ZFAT: variants seen among roughly 807,000 people sequenced by gnomAD.
ZFAT encodes the protein zinc finger protein ZFAT.
Under a neutral mutation model 117.7 loss-of-function variants are expected in ZFAT, and 64 were observed. The observed-to-expected ratio is 0.54, with a 90% confidence interval of 0.44 to 0.67. ZFAT has a LOEUF of 0.67. Ranked by LOEUF, ZFAT falls within the 30% of genes least tolerant of loss-of-function variation. ZFAT has a pLI of 0.00. For missense variants in ZFAT, 1,433 were observed against 1,584.5 expected (o/e 0.90, Z 1.62); for synonymous variants, 679 against 615.0 (o/e 1.10, Z -1.54).
In ZFAT at chr8:134,512,501, T is replaced by C; in HGVS notation, c.3335A>G (p.Gln1112Arg). 1 of 1,614,036 alleles carries C rather than the reference T, an allele frequency of 6.2e-7. No homozygotes were observed. Among genetic ancestry groups the C allele is most frequent in the Non-Finnish European group, 8.5e-7 (1 of 1,179,886 alleles). ...ACTCTCAGAGGTGTATCTCAGGTCC[T>C]GGAGCGCGGCCACCGCTGCCTGTGT... Reference protein sequence around the residue: ...QGTQAAVAALQDLRYTSESGD... With the variant: ...QGTQAAVAALRDLRYTSESGD... The change falls in exon 14 of 16, where the codon CAG (glutamine) becomes CGG (arginine). Residue 1112 changes from glutamine (Q) to arginine (R), a missense_variant. By Grantham distance (43) the Gln-to-Arg change is conservative (BLOSUM62 1). This residue lies in a region of ZFAT where 503 missense variants were observed against 543.4 expected (regional missense o/e 0.93). Transcript: ENST00000377838.
chr8:134,602,889 T>C lies in ZFAT; in HGVS notation c.830A>G (p.Asn277Ser), dbSNP rs1411387725. 2 of 1,613,672 alleles carry C rather than the reference T, an allele frequency of 1.2e-6. No homozygotes were observed. The highest frequency in any genetic ancestry group is 1.7e-6 in the Non-Finnish European group (2 of 1,179,830). ...CGAGTGCTTGAACTTGAAGACCTTGTTGCAGTATTCACAAGTGAAGATTTT... is the reference window on the plus strand; with the variant it reads ...CGAGTGCTTGAACTTGAAGACCTTGCTGCAGTATTCACAAGTGAAGATTTT... ...QLKIFTCEYC[N>S]KVFKFKHSLQ... Residue 277 changes from asparagine to serine, a missense_variant, in exon 6 of 16, where the codon AAC becomes AGC. Coordinates refer to ENST00000377838, the MANE Select transcript of ZFAT (RefSeq NM_020863.4).
the ZFAT span, among the ~76,000 whole-genome samples, chr8:134,777,017 C>A: frequency 6.6e-6 from 1 of 152,162 alleles, no homozygotes; most frequent in Non-Finnish European, 1.5e-5. Context: ...TTTAAGGATG[C>A]GGTAGAAAGA....
chr8:134,513,703 T>C (rs997837497), intron 13 of ZFAT, among the ~76,000 whole-genome samples: 14 of 152,176 alleles, frequency 9.2e-5, no homozygotes, highest in African/African-American at 3.4e-4. Flanking sequence ...GCTGGATGCA[T>C]GAATGTCACC....
chr8:134,826,805 A>G, the ZFAT span, among the ~76,000 whole-genome samples: 1 of 152,230 alleles, frequency 6.6e-6, no homozygotes, highest in Non-Finnish European at 1.5e-5. Flanking sequence ...ATTAAACTAC[A>G]TTTGGCAACT....
At position 134,613,855 on chromosome 8, in the gene ZFAT, G is replaced by A. The variant is rs1005888004; in HGVS notation, c.449-3200C>T. 4.6e-5 allele frequency among the ~76,000 whole-genome samples: 7 copies of A among 152,228 alleles called. 1 individual carries two copies. The highest frequency in any genetic ancestry group is 3.9e-4 in the Admixed American group (6 of 15,290). Reference sequence around the variant, plus strand: ...CCACCCAGCAGCTAGGAGAGGCCAAGTGAAAGACCATGATAATGCCTTGGG... The same window carrying A: ...CCACCCAGCAGCTAGGAGAGGCCAAATGAAAGACCATGATAATGCCTTGGG... On this transcript the variant is annotated intron_variant, in intron 3 of 15. Transcript: ENST00000377838.
chr8:134,535,697 A>G (rs1821785054), intron 11 of ZFAT, among the ~76,000 whole-genome samples: 1 of 151,914 alleles, frequency 6.6e-6, no homozygotes, highest in South Asian at 2.1e-4. Context: ...TTACTAAACA[A>G]AAGGACCTGG....
chr8:134,639,891 C>T, intron 2 of ZFAT: 1 of 419,734 alleles, frequency 2.4e-6, no homozygotes, highest in Non-Finnish European at 4.7e-6. Context: ...AGCCACTCCC[C>T]TGAAACACTC....
At chr8:134,800,512 G>C in the ZFAT span, 1 of 507,814 alleles carries the variant, frequency 2.0e-6, no homozygotes, top group Non-Finnish European at 4.1e-6. Context: ...ATGTTAATTG[G>C]TTGACATTCC....
At chr8:134,634,203 ATT>A (rs1309581566) in intron 3 of ZFAT, among the ~76,000 whole-genome samples, 3 of 152,352 alleles carry the variant, frequency 2.0e-5, no homozygotes, top group East Asian at 3.9e-4. Flanking sequence ...AATAAAAAAT[ATT>A]GTCATGAAAA....
the ZFAT span, among the ~76,000 whole-genome samples, chr8:134,754,905 C>T: frequency 6.6e-6 from 1 of 152,112 alleles, no homozygotes; most frequent in Non-Finnish European, 1.5e-5. Flanking sequence ...TCCATCTTGG[C>T]CAACACACGC....
intron 15 of ZFAT, among the ~76,000 whole-genome samples, chr8:134,502,929 C>A (rs1418692630): frequency 6.6e-6 from 1 of 152,202 alleles, no homozygotes; most frequent in Non-Finnish European, 1.5e-5. Flanking sequence ...AGGAAAACAA[C>A]CAACAAAAGA....
intron 10 of ZFAT, among the ~76,000 whole-genome samples, chr8:134,581,120 A>G (rs1003248057): frequency 6.6e-6 from 1 of 152,138 alleles, no homozygotes; most frequent in Non-Finnish European, 1.5e-5. Flanking sequence ...CTTTTTTCAA[A>G]GTTTCTATAA....
intron 3 of ZFAT, among the ~76,000 whole-genome samples, chr8:134,636,093 C>G (rs1192707514): frequency 6.6e-6 from 1 of 152,172 alleles, no homozygotes; most frequent in African/African-American, 2.4e-5. Context: ...TGGCCACCAA[C>G]CTAGATGCTC....
At chr8:134,548,158 C>G (rs1172446641) in intron 11 of ZFAT, among the ~76,000 whole-genome samples, 1 of 152,196 alleles carries the variant, frequency 6.6e-6, no homozygotes, top group African/African-American at 2.4e-5. Context: ...CTCATTTGTT[C>G]ATTCAGCAAA....
the ZFAT span, among the ~76,000 whole-genome samples, chr8:134,739,636 C>T: frequency 6.6e-6 from 1 of 152,218 alleles, no homozygotes; most frequent in Admixed American, 6.5e-5. Context: ...TAGCCTTTGC[C>T]CTTAAGGAGC....
rs1817028962 is a variant in ZFAT at position 134,478,416 on chromosome 8, T to TCCCCACCCTGGGTGCCTG, written c.*48_*65dup. 2.0e-6 allele frequency: 3 copies of TCCCCACCCTGGGTGCCTG among 1,517,500 alleles called. No individual in the cohort carries two copies. Among genetic ancestry groups the TCCCCACCCTGGGTGCCTG allele is most frequent in the Non-Finnish European group, 2.7e-6 (3 of 1,129,840 alleles). The allele number at this position is 1,517,500 out of a possible 1,614,324, so 94.0% of individuals were successfully genotyped here. On this transcript the variant is annotated 3_prime_UTR_variant, in exon 16 of 16. Transcript: ENST00000377838. The surrounding 1 kb of genome is among the most constrained non-coding windows in gnomAD (Gnocchi z 5.2). ...TGCGGGTAGGGCAGGAAGGGTGGCC[T>TCCCCACCCTGGGTGCCTG]CCCCACCCTGGGTGCCTGCAGAGCC...
chr8:134,508,590 C>T (rs1819588738), intron 15 of ZFAT, among the ~76,000 whole-genome samples: 1 of 152,206 alleles, frequency 6.6e-6, no homozygotes, highest in Non-Finnish European at 1.5e-5. Flanking sequence ...CACTCCTGGA[C>T]CCCACTCCTC....
intron 15 of ZFAT, among the ~76,000 whole-genome samples, chr8:134,495,527 A>T (rs147403489): frequency 6.2e-4 from 95 of 152,232 alleles, no homozygotes; most frequent in African/African-American, 1.8e-3. Context: ...ACTCACAATG[A>T]CTCAACAACT....
chr8:134,825,037 G>A, the ZFAT span, among the ~76,000 whole-genome samples: 6 of 152,170 alleles, frequency 3.9e-5, no homozygotes, highest in African/African-American at 1.4e-4. Context: ...TAACTATGGT[G>A]TCTATTCTTC....
Sources: allele counts gnomAD v4.1 joint callset (sites outside exome capture counted in the v4.1 genomes callset), GRCh38; gene constraint gnomAD v4.1.1; regional missense constraint gnomAD v4.1.1; non-coding constraint Gnocchi (gnomAD v3.1); transcripts MANE v1.5; gene names NCBI Gene and HGNC (gene_info 2026-07-23, HGNC 2026-07-21).